Variants in GRM5 observed in about 807,000 individuals in gnomAD.
The protein encoded by GRM5 is metabotropic glutamate receptor 5.
Under a neutral mutation model 83.1 loss-of-function variants are expected in GRM5, and 19 were observed. The observed-to-expected ratio is 0.23, with a 90% CI of 0.16 to 0.34. GRM5 has a LOEUF of 0.34. Among genes scored for constraint, GRM5 ranks in the 10% least tolerant of loss-of-function variants. The pLI, the probability that GRM5 is intolerant of heterozygous loss-of-function variation, is 1.00. For missense variants in GRM5, 1,160 were observed against 1,588.3 expected, an observed-to-expected ratio of 0.73 and a Z score of 4.58; for synonymous variants, 675 against 633.6, an observed-to-expected ratio of 1.07 and a Z score of -0.98.
intron 2 of GRM5, among the ~76,000 whole-genome samples, chr11:88,926,023 G>A (rs767132687): frequency 6.6e-6 from 1 of 152,148 alleles, no homozygotes; most frequent in African/African-American, 2.4e-5. Flanking sequence ...ATTAAATCAA[G>A]CACATGAAAT....
intron 2 of GRM5, among the ~76,000 whole-genome samples, chr11:88,925,043 T>A (rs1945762496): frequency 6.6e-6 from 1 of 151,992 alleles, no homozygotes; most frequent in Admixed American, 6.6e-5. Context: ...GTTATAAGGA[T>A]CATGTGTTTT....
At chr11:88,752,783 A>G (rs1942307285) in intron 3 of GRM5, among the ~76,000 whole-genome samples, 1 of 152,232 alleles carries the variant, frequency 6.6e-6, no homozygotes, top group South Asian at 2.1e-4. Flanking sequence ...AACAGAAGAG[A>G]GAACTCAGAA....
At chr11:88,739,278 T>G (rs181480199) in intron 3 of GRM5, among the ~76,000 whole-genome samples, 1 of 152,184 alleles carries the variant, frequency 6.6e-6, no homozygotes, top group East Asian at 1.9e-4. Flanking sequence ...TGTTGACATA[T>G]TACATAAATT....
chr11:89,013,842 T>A (rs1454677647), intron 2 of GRM5, among the ~76,000 whole-genome samples: 1 of 152,134 alleles, frequency 6.6e-6, no homozygotes, highest in Admixed American at 6.5e-5. Flanking sequence ...AGATAGTTAT[T>A]AAAATTATTT....
chr11:89,006,647 C>A lies in GRM5; in HGVS notation c.661+40565G>T, dbSNP rs555908178. On this transcript the variant is annotated intron_variant, in intron 2 of 9. Transcript: ENST00000305447. ...CGCCTTGCTTTCCTCACTCTCTGTGCACCAGCCACTTTGGCCTTCTTTGAG... is the reference window on the plus strand; with the variant it reads ...CGCCTTGCTTTCCTCACTCTCTGTGAACCAGCCACTTTGGCCTTCTTTGAG... 7.2e-5 allele frequency among the ~76,000 whole-genome samples: 11 copies of A among 152,362 alleles called. No individual in the cohort carries two copies. In the South Asian group the frequency reaches 2.1e-3, roughly 29 times the overall value.
intron 2 of GRM5, among the ~76,000 whole-genome samples, chr11:88,853,026 GAGAA>G (rs374151999): frequency 3.9e-5 from 6 of 152,234 alleles, no homozygotes; most frequent in African/African-American, 1.4e-4. Context: ...ACAAGTAACT[GAGAA>G]AGAAAGCTGT....
rs184699484 is a variant in GRM5, at chr11:88,822,569, A to G, written c.911+27337T>C. 5.9e-4 allele frequency among the ~76,000 whole-genome samples: 90 copies of G among 152,328 alleles called. 1 individual carries two copies. Among genetic ancestry groups the G allele is most frequent in the African/African-American group, 2.0e-3 (85 of 41,588 alleles). The stretch of plus-strand genomic sequence containing the variant: ...ATACGGAGGCAGAGAAGAGCTTGGC[A>G]TATTTTAAGAACTCAAACAAATTCA... On this transcript the variant is annotated intron_variant, in intron 3 of 9. Transcript: ENST00000305447.
intron 2 of GRM5, among the ~76,000 whole-genome samples, chr11:88,945,634 G>A (rs1360628105): frequency 6.6e-6 from 1 of 152,014 alleles, no homozygotes; most frequent in Non-Finnish European, 1.5e-5. Context: ...TAAGCAATCA[G>A]GTAAGGAATG....
chr11:89,040,719 A>G (rs1273295230), intron 2 of GRM5, among the ~76,000 whole-genome samples: 5 of 151,844 alleles, frequency 3.3e-5, no homozygotes, highest in Admixed American at 6.6e-5. Flanking sequence ...AAAAAGAGAG[A>G]GAGAAAGGGA....
intron 4 of GRM5, among the ~76,000 whole-genome samples, chr11:88,614,852 T>C (rs376071547): frequency 6.6e-6 from 1 of 152,194 alleles, no homozygotes; most frequent in South Asian, 2.1e-4. Context: ...AAACTTGTAA[T>C]GTCATGACTA....
intron 3 of GRM5, among the ~76,000 whole-genome samples, chr11:88,820,225 C>CA (rs58683518): frequency 0.12 from 15,908 of 135,690 alleles, 1,667 homozygotes; most frequent in African/African-American, 0.29. Flanking sequence ...CTAAAAAATA[C>CA]AAAAAAAAAA....
chr11:88,531,607 A>T (rs150769), intron 8 of GRM5, among the ~76,000 whole-genome samples: 68,796 of 151,958 alleles, frequency 0.45, 17,492 homozygotes, highest in East Asian at 0.71. Context: ...TTCTCATAGA[A>T]ATTGCAGACT....
chr11:88,875,880 T>C (rs906983639), intron 2 of GRM5, among the ~76,000 whole-genome samples: 1 of 152,108 alleles, frequency 6.6e-6, no homozygotes, highest in Non-Finnish European at 1.5e-5. Context: ...ACAGATATGC[T>C]GTCATCCAGG....
intron 2 of GRM5, among the ~76,000 whole-genome samples, chr11:89,013,325 C>G (rs1225864723): frequency 6.6e-6 from 1 of 152,154 alleles, no homozygotes; most frequent in Non-Finnish European, 1.5e-5. Context: ...CACAAATAAT[C>G]TTGTCTTTAT....
At chr11:88,684,086 A>G (rs1384325120) in intron 3 of GRM5, among the ~76,000 whole-genome samples, 2 of 152,202 alleles carry the variant, frequency 1.3e-5, no homozygotes, top group Non-Finnish European at 2.9e-5. Context: ...AGAAGACACA[A>G]TGAATGAAGA....
chr11:88,656,831 G>A (rs184651710), intron 3 of GRM5, among the ~76,000 whole-genome samples: 3 of 152,110 alleles, frequency 2.0e-5, no homozygotes, highest in Admixed American at 1.3e-4. Flanking sequence ...TATATAACAT[G>A]TATGTTATAT....
At chr11:88,522,972 G>A (rs1403337875) in intron 9 of GRM5, 1 of 152,140 alleles carries the variant, frequency 6.6e-6, no homozygotes, top group Non-Finnish European at 1.5e-5. Context: ...AGCCTGGTAT[G>A]TTTATCTGGG....
At chr11:88,716,584 A>C (rs1371113674) in intron 3 of GRM5, among the ~76,000 whole-genome samples, 1 of 151,970 alleles carries the variant, frequency 6.6e-6, no homozygotes, top group Admixed American at 6.6e-5. Context: ...GTTAAGATAC[A>C]AATATAATAA....
At position 88,509,293 on chromosome 11, in the gene GRM5, C is replaced by CACCGCCCGT; in HGVS notation, c.2929_2937dup (p.Thr977_Gly979dup). On this transcript the variant is annotated inframe_insertion, in exon 10 of 10. Transcript: ENST00000305447. ...CCTGGGCCGGCGCCTGCGCAGCCCG[C>CACCGCCCGT]ACCGCCCGTGGCCCCCACGCCCCCA... 1 of 1,497,018 alleles carries CACCGCCCGT rather than the reference C, an allele frequency of 6.7e-7. No homozygotes were observed. The highest frequency in any genetic ancestry group is 8.9e-7 in the Non-Finnish European group (1 of 1,126,848). 92.7% of individuals were successfully genotyped at this position (1,497,018 alleles called of 1,614,324 possible).
Sources: allele counts gnomAD v4.1 joint callset (sites outside exome capture counted in the v4.1 genomes callset), GRCh38; gene constraint gnomAD v4.1.1; transcripts MANE v1.5; gene names NCBI Gene and HGNC (gene_info 2026-07-23, HGNC 2026-07-21).